LEPR: variants seen among roughly 807,000 people sequenced by gnomAD.
LEPR encodes the protein OB receptor.
Under a neutral mutation model 114.7 loss-of-function variants are expected in LEPR, and 56 were observed. The ratio of observed to expected loss-of-function variants is 0.49; its 90% CI spans 0.39 to 0.61. The LOEUF (loss-of-function observed/expected upper bound fraction) is 0.61, where lower values mean the gene tolerates loss of function less well. LEPR is among the 20% of genes least tolerant of loss of function. The pLI is 0.00. For synonymous variants in LEPR, 443 were observed against 461.4 expected (o/e 0.96, Z 0.51); for missense variants, 1,202 against 1,352.9 (o/e 0.89, Z 1.75).
At chr1:65,619,849 A>T in intron 16 of LEPR, 79 bp from the exon 17 acceptor site, 1 of 1,103,460 alleles carries the variant, frequency 9.1e-7, no homozygotes, top group Non-Finnish European at 1.4e-6. Context: ...TAGTCACTTT[A>T]ATTCTTTTTT....
intron 2 of LEPR, among the ~76,000 whole-genome samples, chr1:65,498,431 T>G (rs1648272173): frequency 1.3e-5 from 2 of 152,064 alleles, no homozygotes; most frequent in African/African-American, 4.8e-5. Context: ...TTTTTTTCTG[T>G]AAATACTATT....
chr1:65,540,746 T>G (rs1651133167), intron 2 of LEPR, among the ~76,000 whole-genome samples: 1 of 152,244 alleles, frequency 6.6e-6, no homozygotes, highest in Non-Finnish European at 1.5e-5. Context: ...TGCTGATCGC[T>G]CTCTCATTCA....
intron 19 of LEPR, chr1:65,634,698 G>GT (rs1209510393): frequency 3.3e-5 from 32 of 965,384 alleles, no homozygotes; most frequent in Non-Finnish European, 3.8e-5. Flanking sequence ...TATGGTTATG[G>GT]TTTTTTTGTA....
intron 1 of LEPR, 77 bp from the exon 2 acceptor site, chr1:65,425,226 T>A (rs1202571085): frequency 1.6e-6 from 2 of 1,237,382 alleles, no homozygotes; most frequent in Admixed American, 4.0e-5. Context: ...TAGAAGTCAC[T>A]CCCCATTTCC....
chr1:65,478,825 C>T (rs1238556672), intron 2 of LEPR, among the ~76,000 whole-genome samples: 1 of 152,122 alleles, frequency 6.6e-6, no homozygotes, highest in Non-Finnish European at 1.5e-5. Context: ...CAATGGGCAA[C>T]AAGTAGGACC....
At chr1:65,597,260 C>T (rs550732702) in intron 7 of LEPR, among the ~76,000 whole-genome samples, 50 of 152,236 alleles carry the variant, frequency 3.3e-4, no homozygotes, top group Middle Eastern at 3.4e-3. Flanking sequence ...CCCCGACCCA[C>T]CACAAGACCC....
Position 65,637,238 on chromosome 1 carries a change from GCT to G in LEPR, c.*226_*227del, listed in dbSNP as rs1271315933. On this transcript the variant is annotated 3_prime_UTR_variant, in exon 20 of 20. Transcript: ENST00000349533. ...ACACGCTCTTCTATTTTATTCCCAA[GCT>G]CTAGTGGGAAGGTCCCTTGTTTCCA... 2.3e-6 allele frequency: 1 copy of G among 435,896 alleles called. No individual in the cohort carries two copies. Among genetic ancestry groups the G allele is most frequent in the Admixed American group, 3.7e-5 (1 of 27,208 alleles). 27.0% of individuals were successfully genotyped at this position (435,896 alleles called of 1,614,324 possible).
chr1:65,582,719 C>T (rs778758540), intron 5 of LEPR, among the ~76,000 whole-genome samples: 18 of 152,274 alleles, frequency 1.2e-4, no homozygotes, highest in African/African-American at 3.6e-4. Context: ...CCCTTTGTTA[C>T]GTGTTCTGAG....
intron 5 of LEPR, among the ~76,000 whole-genome samples, chr1:65,579,759 A>G (rs1012193517): frequency 2.0e-5 from 3 of 152,124 alleles, no homozygotes; most frequent in African/African-American, 7.2e-5. Flanking sequence ...TCTATTATGT[A>G]TATATTATAA....
At chr1:65,565,779 C>A (rs142667397) in intron 3 of LEPR, among the ~76,000 whole-genome samples, 174 bp downstream of exon 3, 1 of 151,888 alleles carries the variant, frequency 6.6e-6, no homozygotes, top group Admixed American at 6.6e-5. Context: ...AGTGTGAAAA[C>A]GAAAACCCTT....
At chr1:65,618,224 C>T (rs895238409) in intron 16 of LEPR, 78 bp downstream of exon 16, 16 of 1,376,408 alleles carry the variant, frequency 1.2e-5, no homozygotes, top group Non-Finnish European at 1.6e-5. Context: ...TTAATATAGC[C>T]AGTTAATGAA....
At chr1:65,461,052 T>G (rs1646938981) in intron 2 of LEPR, among the ~76,000 whole-genome samples, 1 of 150,592 alleles carries the variant, frequency 6.6e-6, no homozygotes, top group Admixed American at 6.6e-5. Flanking sequence ...CTTGGCTCAC[T>G]GCAACCTCCG....
intron 2 of LEPR, among the ~76,000 whole-genome samples, chr1:65,549,884 G>A (rs1219635157): frequency 1.3e-5 from 2 of 152,176 alleles, no homozygotes; most frequent in Admixed American, 6.5e-5. Context: ...AGGAGGAGAG[G>A]CGCTCTGCTT....
chr1:65,438,010 A>T (rs1286195581), intron 2 of LEPR, among the ~76,000 whole-genome samples: 1 of 150,912 alleles, frequency 6.6e-6, no homozygotes, highest in African/African-American at 2.4e-5. Context: ...GTTTCCCTAC[A>T]TTGACCAGGC....
intron 5 of LEPR, among the ~76,000 whole-genome samples, chr1:65,588,967 T>A (rs2100880802): frequency 6.6e-6 from 1 of 152,248 alleles, no homozygotes; most frequent in Admixed American, 6.5e-5. Flanking sequence ...GTGGTAGGTG[T>A]GTGTTTAACA....
At chr1:65,426,510 C>T (rs1052202245) in intron 2 of LEPR, among the ~76,000 whole-genome samples, 2 of 151,896 alleles carry the variant, frequency 1.3e-5, no homozygotes, top group African/African-American at 4.8e-5. Context: ...AGACTGCAGT[C>T]AGGGAGAATA....
chr1:65,603,425 G>C (rs1656589187), intron 10 of LEPR, among the ~76,000 whole-genome samples: 1 of 152,028 alleles, frequency 6.6e-6, no homozygotes, highest in Non-Finnish European at 1.5e-5. Context: ...ATAGAAAATA[G>C]AAAATGACAG....
intron 2 of LEPR, among the ~76,000 whole-genome samples, chr1:65,451,869 G>A (rs377196456): frequency 1.7e-4 from 26 of 151,840 alleles, no homozygotes; most frequent in Admixed American, 8.5e-4. Flanking sequence ...TACCTTGGGC[G>A]GTATGGCCAT....
At chr1:65,539,125 TTTTTTTTTTG>T (rs1226509072) in intron 2 of LEPR, among the ~76,000 whole-genome samples, 1 of 13,104 alleles carries the variant, frequency 7.6e-5, no homozygotes, top group Non-Finnish European at 2.0e-4. Context: ...ACCATTGAAA[TTTTTTTTTTG>T]TACTATGCAT....
Sources: allele counts gnomAD v4.1 joint callset (sites outside exome capture counted in the v4.1 genomes callset), GRCh38; gene constraint gnomAD v4.1.1; transcripts MANE v1.5; gene names NCBI Gene and HGNC (gene_info 2026-07-23, HGNC 2026-07-21).